INTU: variants seen among roughly 807,000 people sequenced by gnomAD.
INTU encodes inturned planar cell polarity protein.
A neutral mutation model predicts 100.5 loss-of-function variants in INTU; 68 were observed. The observed-to-expected ratio is 0.68, with a 90% CI of 0.56 to 0.83. INTU has a LOEUF of 0.83. Ranked by LOEUF, INTU falls within the 40% of genes least tolerant of loss-of-function variation. The pLI, the probability that INTU is intolerant of heterozygous loss-of-function variation, is 0.00. For missense variants in INTU, 1,071 were observed against 1,114.7 expected, an observed-to-expected ratio of 0.96 and a Z score of 0.56; for synonymous variants, 357 against 395.7, an observed-to-expected ratio of 0.90 and a Z score of 1.16.
intron 7 of INTU, chr4:127,685,373 T>C (rs913027597): frequency 1.1e-5 from 5 of 444,914 alleles, no homozygotes; most frequent in African/African-American, 2.0e-5. Context: ...TTTATACATT[T>C]TTCCAAACCA....
chr4:127,709,461 A>G (rs1209088815), intron 13 of INTU, among the ~76,000 whole-genome samples: 2 of 152,180 alleles, frequency 1.3e-5, no homozygotes, highest in Non-Finnish European at 2.9e-5. Context: ...ATAATTTCAA[A>G]CGTTCATTGA....
At chr4:127,646,930 T>A (rs181192317) in intron 2 of INTU, among the ~76,000 whole-genome samples, 25 of 152,314 alleles carry the variant, frequency 1.6e-4, no homozygotes, top group Admixed American at 1.4e-3. Flanking sequence ...AAAACCAGAT[T>A]CCCTTTCCCT....
chr4:127,684,508 A>C, intron 7 of INTU, 22 bp downstream of exon 7: 2 of 1,301,298 alleles, frequency 1.5e-6, no homozygotes, highest in Non-Finnish European at 2.2e-6. Flanking sequence ...TTCAAATTGA[A>C]TCTCAAGTTT....
At chr4:127,709,315 A>G (rs1237480983) in intron 13 of INTU, among the ~76,000 whole-genome samples, 1 of 152,064 alleles carries the variant, frequency 6.6e-6, no homozygotes, top group East Asian at 1.9e-4. Flanking sequence ...CCTCTGCTCA[A>G]TCCTGCTCAG....
chr4:127,700,162 T>C, intron 9 of INTU, 99 bp downstream of exon 9: 1 of 980,160 alleles, frequency 1.0e-6, no homozygotes, highest in Non-Finnish European at 1.5e-6. Context: ...ATAATAATCT[T>C]GAAATACACA....
chr4:127,691,962 GTA>G lies in INTU; in HGVS notation c.1449+4113_1449+4114del, dbSNP rs1553982611. On this transcript the variant is annotated intron_variant, in intron 8 of 15. Coordinates refer to ENST00000335251, the MANE Select transcript of INTU (RefSeq NM_015693.4). ...GGCGGAGTATAGTGTTCCATGGTAT[GTA>G]TATATATATATATATATGTCACATT... is the stretch of plus-strand genomic sequence containing the variant. 1.0e-3 allele frequency among the ~76,000 whole-genome samples: 101 copies of G among 97,922 alleles called. 5 individuals carry two copies. The highest frequency in any genetic ancestry group is 1.2e-3 in the Admixed American group (12 of 9,776). The allele number at this position is 97,922 out of a possible 152,430, so 64.2% of individuals were successfully genotyped here. A position where few individuals can be genotyped will look rare whatever the true frequency, so the allele number is the denominator to read the frequency against.
chr4:127,682,207 G>A (rs1246865388), intron 6 of INTU, among the ~76,000 whole-genome samples: 1 of 151,952 alleles, frequency 6.6e-6, no homozygotes, highest in Non-Finnish European at 1.5e-5. Flanking sequence ...GATTGCTCAG[G>A]GATCTAGAAC....
Position 127,643,837 on chromosome 4 carries a change from C to T in INTU, c.463C>T (p.Gln155Ter), listed in dbSNP as rs775941821. The T allele has an allele frequency of 2.4e-5, 39 of 1,613,970 alleles. No individual in the cohort carries two copies. The highest frequency in any genetic ancestry group is 2.6e-5 in the Non-Finnish European group (31 of 1,179,964). Reference sequence around the variant, plus strand: ...CAATCAGAAGACAGGAGTCATTGTCCAACAGCGATACAAAGATGTGAATGT... The same window carrying T: ...CAATCAGAAGACAGGAGTCATTGTCTAACAGCGATACAAAGATGTGAATGT... ...QSNQKTGVIVQQRYKDVNVYV... is the reference protein window; with the variant it reads ...QSNQKTGVIV The change falls in exon 2 of 16, where the codon CAA (glutamine) becomes TAA (stop). Residue 155 changes from glutamine to a stop codon, truncating the protein, a stop_gained. Coordinates refer to ENST00000335251, the MANE Select transcript of INTU (RefSeq NM_015693.4). LOFTEE classifies it high-confidence loss of function.
At chr4:127,689,400 C>T (rs570963352) in intron 8 of INTU, among the ~76,000 whole-genome samples, 1 of 152,184 alleles carries the variant, frequency 6.6e-6, no homozygotes, top group Middle Eastern at 3.4e-3. Flanking sequence ...CTGTAATCCT[C>T]GTGCTTTGGG....
At chr4:127,700,697 A>C (rs545239070) in intron 9 of INTU, among the ~76,000 whole-genome samples, 1 of 152,226 alleles carries the variant, frequency 6.6e-6, no homozygotes, top group Non-Finnish European at 1.5e-5. Context: ...CTCCCTGTTG[A>C]ACATCTATAA....
At chr4:127,665,126 A>G (rs1183407368) in intron 4 of INTU, among the ~76,000 whole-genome samples, 6 of 151,324 alleles carry the variant, frequency 4.0e-5, no homozygotes, top group African/African-American at 9.7e-5. Context: ...ATTGTCATCA[A>G]TATTTTAGTG....
At position 127,691,962 on chromosome 4, in the gene INTU, G is replaced by GTATGTATATATATA. The variant is rs1553982612; in HGVS notation, c.1449+4098_1449+4099insGTATATATATATAT. Among the ~76,000 whole-genome samples the GTATGTATATATATA allele has an allele frequency of 3.1e-5, 3 of 98,230 alleles. 1 individual carries two copies. Among genetic ancestry groups the GTATGTATATATATA allele is most frequent in the African/African-American group, 1.2e-4 (3 of 24,864 alleles). 64.4% of individuals were successfully genotyped at this position (98,230 alleles called of 152,430 possible). On this transcript the variant is annotated intron_variant, in intron 8 of 15. Transcript: ENST00000335251. ...GGCGGAGTATAGTGTTCCATGGTAT[G>GTATGTATATATATA]TATATATATATATATATATGTCACA...
chr4:127,643,667 A>G lies in INTU; in HGVS notation c.293A>G (p.Glu98Gly). Residue 98 changes from glutamate (E) to glycine (G), a missense_variant, in exon 2 of 16, where the codon GAA becomes GGA. Physicochemically the swap from Glu to Gly is moderately conservative, Grantham distance 98. Coordinates refer to ENST00000335251, the MANE Select transcript of INTU (RefSeq NM_015693.4). ...VRFSENEIII[E>G]DDYKERKKYE... Reference sequence around the variant, plus strand: ...TTCAGTGAAAATGAGATTATCATTGAAGATGACTACAAAGAAAGAAAAAAG... The same window carrying G: ...TTCAGTGAAAATGAGATTATCATTGGAGATGACTACAAAGAAAGAAAAAAG... 6.2e-7 allele frequency: 1 copy of G among 1,613,856 alleles called. No individual in the cohort carries two copies. Among genetic ancestry groups the G allele is most frequent in the Non-Finnish European group, 8.5e-7 (1 of 1,179,958 alleles).
chr4:127,643,722 A>C lies in INTU; in HGVS notation c.348A>C (p.Lys116Asn). The stretch of plus-strand genomic sequence containing the variant: ...AACCCAAACTCAAGCAGTTTACCAA[A>C]ATTTTAAGAAGGAAAAGACTTTTAC... ...KYEPKLKQFT[K>N]ILRRKRLLPK... The change falls in exon 2 of 16, where the codon AAA becomes AAC. Residue 116 changes from lysine (K) to asparagine (N), a missense_variant. Coordinates refer to ENST00000335251, the MANE Select transcript of INTU (RefSeq NM_015693.4). 6.2e-7 allele frequency: 1 copy of C among 1,608,640 alleles called. No homozygotes were observed. Among genetic ancestry groups the C allele is most frequent in the Non-Finnish European group, 8.5e-7 (1 of 1,178,648 alleles).
At chr4:127,715,855 A>G (rs1731247057) in intron 15 of INTU, among the ~76,000 whole-genome samples, 1 of 152,238 alleles carries the variant, frequency 6.6e-6, no homozygotes, top group Non-Finnish European at 1.5e-5. Context: ...TATTGATTAA[A>G]TGGATTTCAA....
chr4:127,661,278 A>G (rs1413860153), intron 3 of INTU, among the ~76,000 whole-genome samples: 1 of 152,204 alleles, frequency 6.6e-6, no homozygotes, highest in African/African-American at 2.4e-5. Flanking sequence ...TAGCAAACCA[A>G]TCTTAAATTT....
At chr4:127,679,220 C>A (rs1457928755) in intron 6 of INTU, among the ~76,000 whole-genome samples, 5 of 151,618 alleles carry the variant, frequency 3.3e-5, no homozygotes, top group Non-Finnish European at 5.9e-5. Flanking sequence ...CAAGGATACC[C>A]AGGAATTGAA....
At chr4:127,674,933 A>G (rs1049641353) in intron 6 of INTU, among the ~76,000 whole-genome samples, 3 of 152,226 alleles carry the variant, frequency 2.0e-5, no homozygotes, top group Non-Finnish European at 2.9e-5. Flanking sequence ...ATAATCAGCA[A>G]GAGGCAGGAT....
intron 8 of INTU, among the ~76,000 whole-genome samples, chr4:127,692,417 G>A (rs1578612825): frequency 6.6e-6 from 1 of 152,048 alleles, no homozygotes. Context: ...CATCTCCTTA[G>A]CCCACTTTTT....
Sources: allele counts gnomAD v4.1 joint callset (sites outside exome capture counted in the v4.1 genomes callset), GRCh38; gene constraint gnomAD v4.1.1; transcripts MANE v1.5; gene names NCBI Gene and HGNC (gene_info 2026-07-23, HGNC 2026-07-21).